Variants in NTRK3 observed in about 807,000 individuals in gnomAD.
NTRK3 encodes neurotrophic receptor tyrosine kinase 3, also known as NT-3 growth factor receptor.
Under a neutral mutation model 91.7 loss-of-function variants are expected in NTRK3, and 24 were observed. The ratio of observed to expected loss-of-function variants is 0.26; its 90% CI spans 0.19 to 0.37. The LOEUF (loss-of-function observed/expected upper bound fraction) is 0.37, where lower values mean the gene tolerates loss of function less well. Ranked by LOEUF, NTRK3 falls within the 10% of genes least tolerant of loss-of-function variation. The probability of loss-of-function intolerance (pLI) is 1.00; values close to 1 mark genes in which losing one functional copy is unlikely to be tolerated. For missense variants in NTRK3, 880 were observed against 1,068.9 expected (o/e 0.82, Z 2.46); for synonymous variants, 483 against 404.0 (o/e 1.20, Z -2.34).
At chr15:88,223,222 A>C (rs751447587) in intron 3 of NTRK3, among the ~76,000 whole-genome samples, 5 of 152,234 alleles carry the variant, frequency 3.3e-5, no homozygotes, top group Non-Finnish European at 5.9e-5. Flanking sequence ...GCCGAGTGGA[A>C]TGTCCTTGAC....
chr15:88,137,465 G>C (rs1275962831), exon 7 of NTRK3: 1 of 1,614,212 alleles, frequency 6.2e-7, no homozygotes, highest in Non-Finnish European at 8.5e-7. Flanking sequence ...TGATGCAGTA[G>C]AGGTTCTGGC....
At chr15:87,953,933 C>A (rs909527016) in intron 14 of NTRK3, among the ~76,000 whole-genome samples, 10 of 151,982 alleles carry the variant, frequency 6.6e-5, no homozygotes, top group Non-Finnish European at 1.5e-5. Context: ...CTCCTCCGTG[C>A]GGGTTATCGA....
intron 13 of NTRK3, among the ~76,000 whole-genome samples, chr15:88,040,250 G>C (rs1306845102): frequency 1.3e-5 from 2 of 152,180 alleles, no homozygotes; most frequent in Non-Finnish European, 2.9e-5. Context: ...CTTTCTGATG[G>C]CAACAGTGGA....
chr15:87,938,826 C>T (rs76948387), intron 15 of NTRK3, among the ~76,000 whole-genome samples: 2,786 of 152,276 alleles, frequency 0.018, 37 homozygotes, highest in Middle Eastern at 0.041. Context: ...CATCCCTGCT[C>T]CAAGCTGTTT....
At chr15:88,012,198 C>T (rs993635468) in intron 14 of NTRK3, among the ~76,000 whole-genome samples, 3 of 152,222 alleles carry the variant, frequency 2.0e-5, no homozygotes, top group Non-Finnish European at 4.4e-5. Context: ...CTCCACGAAC[C>T]TATAAGACAA....
Position 88,236,956 on chromosome 15 carries a change from G to A in NTRK3, c.248+18950C>T, listed in dbSNP as rs947475342. Among the ~76,000 whole-genome samples the A allele has an allele frequency of 3.3e-5, 5 of 152,116 alleles. No homozygotes were observed. The East Asian group carries it at 5.8e-4, about 18-fold the overall frequency. Reference sequence around the variant, plus strand: ...CTGGGTTTGGGTCCCACAGGCGTGCGCATCTGTCAAAACTCAGAGAATGCA... The same window carrying A: ...CTGGGTTTGGGTCCCACAGGCGTGCACATCTGTCAAAACTCAGAGAATGCA... On this transcript the variant is annotated intron_variant, in intron 3 of 18. Coordinates refer to ENST00000394480, the Ensembl canonical transcript of NTRK3.
intron 17 of NTRK3, among the ~76,000 whole-genome samples, chr15:87,901,986 A>G (rs2066486894): frequency 6.6e-6 from 1 of 152,226 alleles, no homozygotes; most frequent in African/African-American, 2.4e-5. Context: ...GTAAATTGAT[A>G]GGTTAGGGTG....
Position 88,243,966 on chromosome 15 carries a change from G to A in NTRK3, c.248+11940C>T, listed in dbSNP as rs2052600909. 6.6e-6 allele frequency among the ~76,000 whole-genome samples: 1 copy of A among 152,168 alleles called. No individual in the cohort carries two copies. The highest frequency in any genetic ancestry group is 1.5e-5 in the Non-Finnish European group (1 of 68,030). Reference sequence around the variant, plus strand: ...GTTGAAGGGGAGAAATTCTGCTAATGAAACCTCTGAAGCCAATATCCACTA... The same window carrying A: ...GTTGAAGGGGAGAAATTCTGCTAATAAAACCTCTGAAGCCAATATCCACTA... On this transcript the variant is annotated intron_variant, in intron 3 of 18. Coordinates refer to ENST00000394480, the Ensembl canonical transcript of NTRK3. This position sits in a 1 kb window ranked among gnomAD's most constrained non-coding sequence, Gnocchi z 4.8.
At chr15:87,968,044 T>C (rs546276148) in intron 14 of NTRK3, among the ~76,000 whole-genome samples, 5 of 152,292 alleles carry the variant, frequency 3.3e-5, no homozygotes, top group East Asian at 3.9e-4. Context: ...AGGAGATTCA[T>C]GTGTCAAAAC....
At chr15:88,026,250 G>A (rs894443177) in intron 14 of NTRK3, among the ~76,000 whole-genome samples, 8 of 152,098 alleles carry the variant, frequency 5.3e-5, no homozygotes, top group African/African-American at 7.2e-5. Context: ...CAGCCTGGGC[G>A]ACAGAGTGAA....
chr15:87,962,706 C>G (rs2072413401), intron 14 of NTRK3, among the ~76,000 whole-genome samples: 1 of 152,186 alleles, frequency 6.6e-6, no homozygotes, highest in African/African-American at 2.4e-5. Flanking sequence ...CAGCTTCAAT[C>G]TCTACTGCCA....
chr15:88,067,557 T>C (rs2142615069), intron 13 of NTRK3, among the ~76,000 whole-genome samples: 1 of 152,262 alleles, frequency 6.6e-6, no homozygotes, highest in East Asian at 1.9e-4. Context: ...TTGTGGTGGG[T>C]CAGAGCAGCA....
chr15:87,967,121 T>C (rs895245197), intron 14 of NTRK3, among the ~76,000 whole-genome samples: 8 of 152,134 alleles, frequency 5.3e-5, no homozygotes, highest in Admixed American at 4.6e-4. Context: ...GCCCCAAATA[T>C]GTTTGAAGAA....
intron 5 of NTRK3, among the ~76,000 whole-genome samples, chr15:88,165,365 G>T (rs1302370819): frequency 1.3e-5 from 2 of 152,112 alleles, no homozygotes; most frequent in Non-Finnish European, 2.9e-5. Context: ...ATTGAACAGG[G>T]TGCCAAACTC....
intron 3 of NTRK3, among the ~76,000 whole-genome samples, chr15:88,217,282 G>A (rs1354547768): frequency 6.6e-6 from 1 of 152,192 alleles, no homozygotes; most frequent in South Asian, 2.1e-4. Context: ...AGGTCTCAAA[G>A]AGATAACTAA....
intron 5 of NTRK3, among the ~76,000 whole-genome samples, chr15:88,180,631 C>T (rs977261988): frequency 6.9e-6 from 1 of 145,932 alleles, no homozygotes; most frequent in Non-Finnish European, 1.5e-5. Context: ...TCACTTCCTA[C>T]TTCTTATTTT....
At chr15:88,251,099 G>A (rs2053300325) in intron 3 of NTRK3, among the ~76,000 whole-genome samples, 1 of 152,184 alleles carries the variant, frequency 6.6e-6, no homozygotes. Flanking sequence ...TATGCCATTT[G>A]GTCTGGGCAG....
chr15:88,101,041 C>A lies in NTRK3; in HGVS notation c.1396+25230G>T, dbSNP rs1323206344. 2.0e-5 allele frequency among the ~76,000 whole-genome samples: 3 copies of A among 152,136 alleles called. No homozygotes were observed. The East Asian group carries it at 5.8e-4, about 29-fold the overall frequency. Reference sequence around the variant, plus strand: ...GGGATCTAATTAAACTAAAGAGCTGCTGCACAGCAAAAGAAACTACCATCA... The same window carrying A: ...GGGATCTAATTAAACTAAAGAGCTGATGCACAGCAAAAGAAACTACCATCA... On this transcript the variant is annotated intron_variant, in intron 13 of 18. Coordinates refer to ENST00000394480, the Ensembl canonical transcript of NTRK3.
intron 14 of NTRK3, among the ~76,000 whole-genome samples, chr15:87,988,428 TTAAGAA>T (rs1208299233): frequency 6.6e-6 from 1 of 152,192 alleles, no homozygotes; most frequent in African/African-American, 2.4e-5. Context: ...TTGAACTTAA[TTAAGAA>T]TAATGTACCT....
Sources: allele counts gnomAD v4.1 joint callset (sites outside exome capture counted in the v4.1 genomes callset), GRCh38; gene constraint gnomAD v4.1.1; non-coding constraint Gnocchi (gnomAD v3.1); transcripts MANE v1.5; gene names NCBI Gene and HGNC (gene_info 2026-07-23, HGNC 2026-07-21).